Variants in TFAM observed in about 807,000 individuals in gnomAD.
The protein encoded by TFAM is mitochondrial transcription factor 1.
In TFAM, 13 loss-of-function variants were observed where a neutral mutation model predicts 30.6. The ratio of observed to expected loss-of-function variants is 0.42; its 90% CI spans 0.28 to 0.67. The LOEUF (loss-of-function observed/expected upper bound fraction) is 0.67, where lower values mean the gene tolerates loss of function less well. TFAM is among the 30% of genes least tolerant of loss of function. The pLI, the probability that TFAM is intolerant of heterozygous loss-of-function variation, is 0.21. For synonymous variants in TFAM, 106 were observed against 94.8 expected, an observed-to-expected ratio of 1.12 and a Z score of -0.69; for missense variants, 231 against 293.7, an observed-to-expected ratio of 0.79 and a Z score of 1.56.
chr10:58,398,575 T>C lies in TFAM; in HGVS notation c.*3501T>C, dbSNP rs1397544677. 1 of 152,220 alleles carries C rather than the reference T, an allele frequency of 6.6e-6. No individual in the cohort carries two copies. Among genetic ancestry groups the C allele is most frequent in the African/African-American group, 2.4e-5 (1 of 41,458 alleles). The allele number at this position is 152,220 out of a possible 1,614,324, so 9.4% of individuals were successfully genotyped here. ...GTACAAGGCATGTGTTAGTTTTTAC[T>C]AATTGCTCTGAATGTGTATATTTAG... On this transcript the variant is annotated 3_prime_UTR_variant, in exon 7 of 7. Coordinates refer to ENST00000487519, the MANE Select transcript of TFAM (RefSeq NM_003201.3).
rs199949371 is a variant in TFAM at position 58,394,309 on chromosome 10, C to T, written c.538-49C>T. On this transcript the variant is annotated intron_variant, in intron 5 of 6. Transcript: ENST00000487519. ...TTTTGTTGGAATGAATAATAAAGGT[C>T]ACTGAAGTCCCCATATCTACCTTAA... is the stretch of plus-strand genomic sequence containing the variant. 19 of 1,334,214 alleles carry T rather than the reference C, an allele frequency of 1.4e-5. No homozygotes were observed. The East Asian group carries it at 4.1e-4, about 29-fold the overall frequency. The allele number at this position is 1,334,214 out of a possible 1,614,324, so 82.6% of individuals were successfully genotyped here.
chr10:58,389,009 GTC>G, intron 4 of TFAM, among the ~76,000 whole-genome samples, 190 bp downstream of exon 4: 1 of 152,206 alleles, frequency 6.6e-6, no homozygotes, highest in African/African-American at 2.4e-5. Context: ...TTGCCATTGA[GTC>G]TGTTTGGAAA....
At chr10:58,386,951 C>G (rs1840502330) in intron 2 of TFAM, among the ~76,000 whole-genome samples, 1 of 152,030 alleles carries the variant, frequency 6.6e-6, no homozygotes, top group Admixed American at 6.6e-5. Context: ...TCTAGAAAGC[C>G]TCTCGGCGAG....
intron 4 of TFAM, among the ~76,000 whole-genome samples, chr10:58,389,574 G>A (rs908832124): frequency 6.6e-6 from 1 of 152,194 alleles, no homozygotes; most frequent in Non-Finnish European, 1.5e-5. Flanking sequence ...GTTTTAAGCT[G>A]TCCTAGCACT....
At chr10:58,391,574 T>C (rs192503999) in intron 5 of TFAM, among the ~76,000 whole-genome samples, 112 of 152,190 alleles carry the variant, frequency 7.4e-4, no homozygotes, top group Middle Eastern at 3.4e-3. Context: ...GCTTCTTGAT[T>C]TTTTTTCAAC....
chr10:58,395,382 A>C lies in TFAM; in HGVS notation c.*308A>C. ...GAAGTTTTTTTTATACAGGATGATGACTATGGAAAGAGTACTCTTGTTTCC... is the reference window on the plus strand; with the variant it reads ...GAAGTTTTTTTTATACAGGATGATGCCTATGGAAAGAGTACTCTTGTTTCC... On this transcript the variant is annotated 3_prime_UTR_variant, in exon 7 of 7. Coordinates refer to ENST00000487519, the MANE Select transcript of TFAM (RefSeq NM_003201.3). 2.7e-6 allele frequency: 1 copy of C among 366,994 alleles called. No homozygotes were observed. The highest frequency in any genetic ancestry group is 5.0e-6 in the Non-Finnish European group (1 of 198,252). The allele number at this position is 366,994 out of a possible 1,614,324, so 22.7% of individuals were successfully genotyped here.
At chr10:58,388,539 TC>T in intron 3 of TFAM, 130 bp from the exon 4 acceptor site, 1 of 1,006,180 alleles carries the variant, frequency 9.9e-7, no homozygotes, top group East Asian at 2.4e-5. Context: ...ATACATCTCA[TC>T]CCAGAGCACA....
At position 58,390,636 on chromosome 10, in the gene TFAM, A is replaced by G. The variant is rs1840573599; in HGVS notation, c.442-129A>G. 17 of 749,726 alleles carry G rather than the reference A, an allele frequency of 2.3e-5. No individual in the cohort carries two copies. The East Asian group carries it at 4.4e-4, about 19-fold the overall frequency. 46.4% of individuals were successfully genotyped at this position (749,726 alleles called of 1,614,324 possible). On this transcript the variant is annotated intron_variant, in intron 4 of 6. Coordinates refer to ENST00000487519, the MANE Select transcript of TFAM (RefSeq NM_003201.3). ...GACCGCAAGATGTAATAATCACACT[A>G]TATAAGAATCATAACATTCACTTTA... is the stretch of plus-strand genomic sequence containing the variant.
intron 5 of TFAM, among the ~76,000 whole-genome samples, chr10:58,394,157 C>T (rs1365707518): frequency 6.6e-6 from 1 of 152,054 alleles, no homozygotes; most frequent in Non-Finnish European, 1.5e-5. Context: ...TTAATATTTC[C>T]GAATCAAAAA....
intron 2 of TFAM, among the ~76,000 whole-genome samples, chr10:58,387,107 C>A (rs570277482): frequency 1.3e-5 from 2 of 151,988 alleles, no homozygotes; most frequent in East Asian, 1.9e-4. Flanking sequence ...ACCAAAAATA[C>A]AAAAATGAGG....
rs1840493237 is a variant in TFAM at position 58,386,456 on chromosome 10, G to C, written c.220+118G>C. ...TCAGTGACTGCAGGAACAATCATTT[G>C]ATGTCTGTAAAATAGGAAGTTCTAT... On this transcript the variant is annotated intron_variant, in intron 2 of 6. Transcript: ENST00000487519. 12 of 848,252 alleles carry C rather than the reference G, an allele frequency of 1.4e-5. No homozygotes were observed. In the South Asian group the frequency reaches 1.7e-4, roughly 12 times the overall value. 52.5% of individuals were successfully genotyped at this position (848,252 alleles called of 1,614,324 possible).
chr10:58,395,017 G>A lies in TFAM; in HGVS notation c.684G>A (p.Lys228=). The A allele has an allele frequency of 6.2e-7, 1 of 1,613,786 alleles. No individual in the cohort carries two copies. The highest frequency in any genetic ancestry group is 1.1e-5 in the South Asian group (1 of 91,064). Residue 228 remains lysine (K), a synonymous_variant, in exon 7 of 7, where the codon AAG becomes AAA. Coordinates refer to ENST00000487519, the MANE Select transcript of TFAM (RefSeq NM_003201.3). ...WEEQMIEVGR[K]DLLRRTIKKQ... ...AACAAATGATTGAAGTTGGACGAAA[G>A]GATCTTCTACGTCGCACAATAAAGA...
chr10:58,385,450 A>G lies in TFAM; in HGVS notation c.-98A>G, dbSNP rs1840464179. On this transcript the variant is annotated 5_prime_UTR_variant, in exon 1 of 7. Coordinates refer to ENST00000487519, the MANE Select transcript of TFAM (RefSeq NM_003201.3). The stretch of plus-strand genomic sequence containing the variant: ...TGGCGGGCATGATAACACACGCCGG[A>G]GGGTCGCACGCGGGTTCCAGTTGTG... 1.1e-6 allele frequency: 1 copy of G among 876,004 alleles called. No homozygotes were observed. Among genetic ancestry groups the G allele is most frequent in the Non-Finnish European group, 1.9e-6 (1 of 540,358 alleles). 54.3% of individuals were successfully genotyped at this position (876,004 alleles called of 1,614,324 possible). A position where few individuals can be genotyped will look rare whatever the true frequency, so the allele number is the denominator to read the frequency against.
At position 58,395,295 on chromosome 10, in the gene TFAM, G is replaced by A; in HGVS notation, c.*221G>A. 1 of 531,040 alleles carries A rather than the reference G, an allele frequency of 1.9e-6. No homozygotes were observed. The highest frequency in any genetic ancestry group is 3.4e-6 in the Non-Finnish European group (1 of 297,514). The allele number at this position is 531,040 out of a possible 1,614,324, so 32.9% of individuals were successfully genotyped here. On this transcript the variant is annotated 3_prime_UTR_variant, in exon 7 of 7. Coordinates refer to ENST00000487519, the MANE Select transcript of TFAM (RefSeq NM_003201.3). Reference sequence around the variant, plus strand: ...TTATTTTGTGTTTAGGAACTACTGAGGATCAGAGTAATCCAAGCAAATGTG... The same window carrying A: ...TTATTTTGTGTTTAGGAACTACTGAAGATCAGAGTAATCCAAGCAAATGTG...
At chr10:58,391,545 A>G (rs1180439819) in intron 5 of TFAM, among the ~76,000 whole-genome samples, 2 of 152,076 alleles carry the variant, frequency 1.3e-5, no homozygotes, top group Non-Finnish European at 2.9e-5. Flanking sequence ...ATATCCCTAA[A>G]TAACATTTTT....
rs1450954241 is a variant in TFAM, at chr10:58,398,378, G to A, written c.*3304G>A. The A allele has an allele frequency of 6.6e-6, 1 of 152,214 alleles. No individual in the cohort carries two copies. The highest frequency in any genetic ancestry group is 1.5e-5 in the Non-Finnish European group (1 of 68,038). 9.4% of individuals were successfully genotyped at this position (152,214 alleles called of 1,614,324 possible). ...AGTTTTTATACTTTTGTTCTTTGGA[G>A]TACCAATGTTAGGTTTTACAAAAGT... On this transcript the variant is annotated 3_prime_UTR_variant, in exon 7 of 7. Transcript: ENST00000487519.
Position 58,396,176 on chromosome 10 carries a change from T to A in TFAM, c.*1102T>A, listed in dbSNP as rs899491890. 3.3e-5 allele frequency: 5 copies of A among 152,234 alleles called. No homozygotes were observed. Among genetic ancestry groups the A allele is most frequent in the African/African-American group, 1.2e-4 (5 of 41,468 alleles). The allele number at this position is 152,234 out of a possible 1,614,324, so 9.4% of individuals were successfully genotyped here. A position where few individuals can be genotyped will look rare whatever the true frequency, so the allele number is the denominator to read the frequency against. On this transcript the variant is annotated 3_prime_UTR_variant, in exon 7 of 7. Transcript: ENST00000487519. ...TTTTACTTGTCTATGGCTGCTTTTC[T>A]GTGGCAGAGTAGCTGCCACAGAAAC... is the stretch of plus-strand genomic sequence containing the variant.
chr10:58,390,919 A>G (rs1162622170), intron 5 of TFAM, 59 bp downstream of exon 5: 3 of 1,443,970 alleles, frequency 2.1e-6, no homozygotes, highest in Admixed American at 3.7e-5. Context: ...AAAAGTCTAG[A>G]GTGCCATGTG....
chr10:58,393,294 A>G (rs1840628798), intron 5 of TFAM, among the ~76,000 whole-genome samples: 1 of 152,094 alleles, frequency 6.6e-6, no homozygotes, highest in Non-Finnish European at 1.5e-5. Context: ...CTCTTTTTAA[A>G]CAGTCTTTCA....
Sources: gnomAD v4.1 joint callset for allele counts (sites outside exome capture counted in the v4.1 genomes callset) on GRCh38, gnomAD v4.1.1 for gene constraint, MANE v1.5 for transcripts, NCBI Gene and HGNC (gene_info 2026-07-23, HGNC 2026-07-21) for gene names.